The following ARMH3 variants were observed in gnomAD, a reference collection of about 807,000 sequenced individuals.
ARMH3 encodes armadillo like helical domain containing 3.
Under a neutral mutation model 99.1 loss-of-function variants are expected in ARMH3, and 60 were observed. The ratio of observed to expected loss-of-function variants is 0.61; its 90% CI spans 0.49 to 0.75. The LOEUF is 0.75. Among genes scored for constraint, ARMH3 ranks in the 30% least tolerant of loss-of-function variants. The pLI is 0.00. For synonymous variants in ARMH3, 285 were observed against 292.8 expected (o/e 0.97, Z 0.27); for missense variants, 679 against 843.1 (o/e 0.81, Z 2.41).
At chr10:101,948,461 T>A (rs1844646991) in intron 22 of ARMH3, among the ~76,000 whole-genome samples, 1 of 152,074 alleles carries the variant, frequency 6.6e-6, no homozygotes, top group Non-Finnish European at 1.5e-5. Context: ...AGTGGCTACA[T>A]TAAAGTCAGA....
At chr10:102,027,464 C>T (rs2067026250) in intron 5 of ARMH3, among the ~76,000 whole-genome samples, 1 of 151,814 alleles carries the variant, frequency 6.6e-6, no homozygotes, top group Non-Finnish European at 1.5e-5. Flanking sequence ...CAGCGTGGGG[C>T]CTGTGAAGAC....
At chr10:102,004,986 C>T (rs1402257890) in intron 14 of ARMH3, among the ~76,000 whole-genome samples, 4 of 151,938 alleles carry the variant, frequency 2.6e-5, no homozygotes, top group East Asian at 1.9e-4. Flanking sequence ...AGGCGGATCA[C>T]GAGGTCAGGA....
chr10:101,963,889 T>C (rs1845421785), intron 20 of ARMH3, among the ~76,000 whole-genome samples: 1 of 150,860 alleles, frequency 6.6e-6, no homozygotes, highest in Admixed American at 6.6e-5. Context: ...TTTTTTTTTT[T>C]TTTTTGAGAC....
chr10:102,026,255 G>A (rs1360451758), intron 5 of ARMH3, among the ~76,000 whole-genome samples: 1 of 152,150 alleles, frequency 6.6e-6, no homozygotes, highest in East Asian at 1.9e-4. Context: ...ATGCTGGAAG[G>A]CCAAGGTAAG....
intron 19 of ARMH3, among the ~76,000 whole-genome samples, chr10:101,982,718 A>G (rs1379485772): frequency 6.6e-6 from 1 of 152,108 alleles, no homozygotes; most frequent in Admixed American, 6.6e-5. Context: ...TGAACTGCGC[A>G]TGCAAGGGAT....
rs780513469 is a variant in ARMH3, at chr10:101,993,479, C to A, written c.1275+59G>T. On this transcript the variant is annotated intron_variant, in intron 17 of 25. Coordinates refer to ENST00000370033, the MANE Select transcript of ARMH3 (RefSeq NM_024541.3). ...CTAGTAAGATCAATTTCATCCCAAC[C>A]CTGCCGACATACAAAAAATTTCCTC... 6.4e-5 allele frequency: 85 copies of A among 1,331,122 alleles called. No individual in the cohort carries two copies. The Middle Eastern group carries it at 1.5e-3, about 23-fold the overall frequency. The allele number at this position is 1,331,122 out of a possible 1,614,324, so 82.5% of individuals were successfully genotyped here.
chr10:101,978,963 A>C (rs1388006386), intron 19 of ARMH3, among the ~76,000 whole-genome samples: 1 of 151,426 alleles, frequency 6.6e-6, no homozygotes, highest in Non-Finnish European at 1.5e-5. Context: ...AAATTAAATT[A>C]ATATAAAATA....
chr10:101,978,769 G>A (rs535277578), intron 19 of ARMH3, among the ~76,000 whole-genome samples: 181 of 152,102 alleles, frequency 1.2e-3, no homozygotes, highest in African/African-American at 4.3e-3. Flanking sequence ...GTGAAACATC[G>A]TCTCTACTAA....
intron 14 of ARMH3, among the ~76,000 whole-genome samples, chr10:102,003,291 T>C (rs1022961749): frequency 3.3e-5 from 5 of 151,962 alleles, no homozygotes; most frequent in Admixed American, 3.3e-4. Context: ...GCCTCCCAAA[T>C]AGCTTGGATT....
chr10:102,036,018 G>A (rs1187858881), intron 2 of ARMH3, among the ~76,000 whole-genome samples: 2 of 136,718 alleles, frequency 1.5e-5, no homozygotes, highest in South Asian at 2.4e-4. Context: ...GCCCGGCCGC[G>A]ACCCCGACTG....
At chr10:101,911,844 T>C (rs933169842) in intron 23 of ARMH3, among the ~76,000 whole-genome samples, 4 of 152,106 alleles carry the variant, frequency 2.6e-5, no homozygotes, top group African/African-American at 9.7e-5. Flanking sequence ...TAGACCAGCC[T>C]GGCCAACATG....
In ARMH3 at chr10:101,984,924, C is replaced by T. The variant is rs749010023; in HGVS notation, c.1406+5627G>A. 1.5e-4 allele frequency among the ~76,000 whole-genome samples: 23 copies of T among 151,784 alleles called. 1 individual carries two copies. The highest frequency in any genetic ancestry group is 3.1e-4 in the Non-Finnish European group (21 of 67,976). Reference sequence around the variant, plus strand: ...TCTCTACCAAAAATACAAAAATTAGCCGGGCGTGGTGGTGCTTGCCTATAA... The same window carrying T: ...TCTCTACCAAAAATACAAAAATTAGTCGGGCGTGGTGGTGCTTGCCTATAA... On this transcript the variant is annotated intron_variant, in intron 19 of 25. Transcript: ENST00000370033.
At chr10:102,047,265 G>A (rs1332084305) in intron 1 of ARMH3, among the ~76,000 whole-genome samples, 2 of 151,666 alleles carry the variant, frequency 1.3e-5, no homozygotes, top group Non-Finnish European at 2.9e-5. Flanking sequence ...TCAGTGTTCT[G>A]AGGATAATTC....
intron 23 of ARMH3, among the ~76,000 whole-genome samples, chr10:101,931,293 G>A (rs564722410): frequency 7.2e-5 from 11 of 152,264 alleles, no homozygotes; most frequent in African/African-American, 2.2e-4. Flanking sequence ...TTGGGAGGCC[G>A]AGGCTCACAT....
intron 15 of ARMH3, among the ~76,000 whole-genome samples, chr10:101,997,231 G>A (rs1320936206): frequency 1.3e-5 from 2 of 151,820 alleles, no homozygotes; most frequent in African/African-American, 4.8e-5. Flanking sequence ...TCATGCCACT[G>A]CACTCCAGCC....
In ARMH3 at chr10:101,872,493, T is replaced by G. The variant is rs187784654; in HGVS notation, c.1860+16919A>C. On this transcript the variant is annotated intron_variant, in intron 24 of 25. Transcript: ENST00000370033. ...GGGTGGATCACTTGAGGTGAGGAGTTCAAGACCAGCCTGACCAATATGGTG... is the reference window on the plus strand; with the variant it reads ...GGGTGGATCACTTGAGGTGAGGAGTGCAAGACCAGCCTGACCAATATGGTG... 1.1e-3 allele frequency among the ~76,000 whole-genome samples: 168 copies of G among 151,960 alleles called. 1 individual carries two copies. The highest frequency in any genetic ancestry group is 1.7e-3 in the Non-Finnish European group (117 of 67,964).
In ARMH3 at chr10:101,910,926, G is replaced by A. The variant is rs539996052; in HGVS notation, c.1782-21436C>T. On this transcript the variant is annotated intron_variant, in intron 23 of 25. Transcript: ENST00000370033. ...AGGCCAAGGCGGATGGACCACCTGGGTTCAGGAGTTCGAGATGAGCCTGGC... is the reference window on the plus strand; with the variant it reads ...AGGCCAAGGCGGATGGACCACCTGGATTCAGGAGTTCGAGATGAGCCTGGC... Among the ~76,000 whole-genome samples, 3 of 151,974 alleles carry A rather than the reference G, an allele frequency of 2.0e-5. No individual in the cohort carries two copies. The East Asian group carries it at 5.8e-4, about 29-fold the overall frequency.
chr10:101,902,843 G>C (rs539900979), intron 23 of ARMH3, among the ~76,000 whole-genome samples: 20 of 152,196 alleles, frequency 1.3e-4, no homozygotes, highest in African/African-American at 4.6e-4. Flanking sequence ...CAGGGGGTGA[G>C]AGCCAGCTCC....
At chr10:101,890,391 G>A (rs1048567732) in intron 23 of ARMH3, among the ~76,000 whole-genome samples, 2 of 152,054 alleles carry the variant, frequency 1.3e-5, no homozygotes, top group African/African-American at 4.8e-5. Flanking sequence ...CTACAGGCAT[G>A]TGCCAGCATG....
Sources: gnomAD v4.1 joint callset for allele counts (sites outside exome capture counted in the v4.1 genomes callset) on GRCh38, gnomAD v4.1.1 for gene constraint, MANE v1.5 for transcripts, NCBI Gene and HGNC (gene_info 2026-07-23, HGNC 2026-07-21) for gene names.